Variants in PPARGC1A observed in about 807,000 individuals in gnomAD.
PPARGC1A encodes peroxisome proliferator-activated receptor gamma coactivator 1-alpha.
A neutral mutation model predicts 88.7 loss-of-function variants in PPARGC1A; 25 were observed. The ratio of observed to expected loss-of-function variants is 0.28; its 90% confidence interval spans 0.21 to 0.39. PPARGC1A has a LOEUF of 0.39. Among genes scored for constraint, PPARGC1A ranks in the 10% least tolerant of loss-of-function variants. The pLI is 1.00. For missense variants in PPARGC1A, 880 were observed against 968.7 expected (o/e 0.91, Z 1.22); for synonymous variants, 363 against 355.6 (o/e 1.02, Z -0.24).
the PPARGC1A span, among the ~76,000 whole-genome samples, chr4:24,218,209 G>A: frequency 6.6e-6 from 1 of 152,160 alleles, no homozygotes. Flanking sequence ...CATATAACAA[G>A]TGTTCAATAA....
At chr4:23,944,349 A>G in the PPARGC1A span, among the ~76,000 whole-genome samples, 1 of 152,204 alleles carries the variant, frequency 6.6e-6, no homozygotes. Flanking sequence ...TCTGTCCTCC[A>G]AAGCACCCTG....
chr4:23,910,769 A>G, the PPARGC1A span, among the ~76,000 whole-genome samples: 1 of 151,792 alleles, frequency 6.6e-6, no homozygotes, highest in Non-Finnish European at 1.5e-5. Flanking sequence ...ATTACTATTT[A>G]AAGTGCTTTA....
the PPARGC1A span, among the ~76,000 whole-genome samples, chr4:24,417,042 A>AC: frequency 6.6e-6 from 1 of 152,030 alleles, no homozygotes; most frequent in East Asian, 1.9e-4. Flanking sequence ...AAAAAAAAAA[A>AC]AGGGAAAGAG....
chr4:24,387,946 A>AAGAAAGAAAGAAAGAAAGAAAG, the PPARGC1A span, among the ~76,000 whole-genome samples: 1 of 137,500 alleles, frequency 7.3e-6, no homozygotes, highest in African/African-American at 3.1e-5. Context: ...GAAAGAAAGA[A>AAGAAAGAAAGAAAGAAAGAAAG]AGAAAGAAAG....
chr4:23,834,135 T>G (rs2148565055), intron 2 of PPARGC1A, among the ~76,000 whole-genome samples: 1 of 152,088 alleles, frequency 6.6e-6, no homozygotes, highest in African/African-American at 2.4e-5. Flanking sequence ...CTGTCTCTAC[T>G]AAAAATACAA....
At chr4:23,840,831 C>G (rs1487986580) in intron 2 of PPARGC1A, among the ~76,000 whole-genome samples, 1 of 152,098 alleles carries the variant, frequency 6.6e-6, no homozygotes, top group Non-Finnish European at 1.5e-5. Flanking sequence ...TCCTCACCTC[C>G]TCCTATCCTC....
At chr4:23,805,922 T>C (rs1719723284) in intron 10 of PPARGC1A, among the ~76,000 whole-genome samples, 1 of 152,188 alleles carries the variant, frequency 6.6e-6, no homozygotes, top group Non-Finnish European at 1.5e-5. Flanking sequence ...TATGCCCATA[T>C]GCAGACATAC....
At chr4:23,998,559 C>CA in the PPARGC1A span, among the ~76,000 whole-genome samples, 1 of 152,200 alleles carries the variant, frequency 6.6e-6, no homozygotes, top group African/African-American at 2.4e-5. Flanking sequence ...TGGTAGGTCA[C>CA]ATGATAACAG....
At chr4:23,943,460 G>A in the PPARGC1A span, among the ~76,000 whole-genome samples, 1 of 148,756 alleles carries the variant, frequency 6.7e-6, no homozygotes. Flanking sequence ...GAAACAATTT[G>A]AGGGATTTAA....
the PPARGC1A span, among the ~76,000 whole-genome samples, chr4:24,471,733 T>C: frequency 1.3e-5 from 2 of 152,150 alleles, no homozygotes; most frequent in Admixed American, 6.5e-5. The surrounding 1 kb of genome is among the most constrained non-coding windows in gnomAD (Gnocchi z 5.4). Context: ...CCGGACTGCA[T>C]TGCACAGTCA....
the PPARGC1A span, among the ~76,000 whole-genome samples, chr4:24,208,240 C>G: frequency 6.6e-6 from 1 of 151,884 alleles, no homozygotes; most frequent in Non-Finnish European, 1.5e-5. Flanking sequence ...CTATGAACAT[C>G]CCACCAAACT....
In PPARGC1A at chr4:23,852,226, C is replaced by T. The variant is rs553114063; in HGVS notation, c.235-20475G>A. ...TTCAGGAGGAACCAGTCCAGACATA[C>T]GTTTCATTTGGTGAGCATGGTTTTG... On this transcript the variant is annotated intron_variant, in intron 2 of 12. Coordinates refer to ENST00000264867, the MANE Select transcript of PPARGC1A (RefSeq NM_013261.5). Among the ~76,000 whole-genome samples the T allele has an allele frequency of 5.3e-5, 8 of 152,288 alleles. 1 individual carries two copies. Among genetic ancestry groups the T allele is most frequent in the African/African-American group, 9.6e-5 (4 of 41,570 alleles).
At chr4:24,249,048 T>C in the PPARGC1A span, among the ~76,000 whole-genome samples, 1 of 152,180 alleles carries the variant, frequency 6.6e-6, no homozygotes, top group Non-Finnish European at 1.5e-5. Flanking sequence ...ATAAATCCAT[T>C]TTATAATACA....
the PPARGC1A span, among the ~76,000 whole-genome samples, chr4:24,470,661 C>A: frequency 6.6e-6 from 1 of 151,996 alleles, no homozygotes; most frequent in African/African-American, 2.4e-5. This position sits in a 1 kb window ranked among gnomAD's most constrained non-coding sequence, Gnocchi z 5.8. Context: ...CTGGGCTGCC[C>A]TCCCGCCCCG....
the PPARGC1A span, among the ~76,000 whole-genome samples, chr4:24,359,022 T>A: frequency 6.6e-6 from 1 of 152,208 alleles, no homozygotes; most frequent in Admixed American, 6.5e-5. Context: ...CACTCCCATT[T>A]CTGTTGGTAT....
intron 2 of PPARGC1A, among the ~76,000 whole-genome samples, chr4:23,875,545 T>C (rs759405588): frequency 2.0e-4 from 30 of 151,888 alleles, no homozygotes; most frequent in Non-Finnish European, 4.3e-4. Flanking sequence ...CTCAGGGACC[T>C]TGGCGGCTCT....
chr4:24,419,933 T>C, the PPARGC1A span, among the ~76,000 whole-genome samples: 14 of 152,298 alleles, frequency 9.2e-5, no homozygotes, highest in East Asian at 1.7e-3. Context: ...TATTTTAAAG[T>C]CTTCAAGGCA....
the PPARGC1A span, among the ~76,000 whole-genome samples, chr4:23,942,588 T>G: frequency 6.6e-6 from 1 of 152,330 alleles, no homozygotes; most frequent in East Asian, 1.9e-4. Flanking sequence ...CAGCTCTGTG[T>G]TCACCATATC....
chr4:24,322,859 C>T, the PPARGC1A span, among the ~76,000 whole-genome samples: 1 of 152,238 alleles, frequency 6.6e-6, no homozygotes, highest in African/African-American at 2.4e-5. Flanking sequence ...GCACTCTCCA[C>T]TTTGGTCATG....
Sources: allele counts gnomAD v4.1 joint callset (sites outside exome capture counted in the v4.1 genomes callset), GRCh38; gene constraint gnomAD v4.1.1; non-coding constraint Gnocchi (gnomAD v3.1); transcripts MANE v1.5; gene names NCBI Gene and HGNC (gene_info 2026-07-23, HGNC 2026-07-21).